SIK3: variants seen among roughly 807,000 people sequenced by gnomAD.
SIK3 encodes SIK family kinase 3.
In SIK3, 28 loss-of-function variants were observed where a neutral mutation model predicts 144.2. That is an observed-to-expected ratio of 0.19 (90% CI 0.14 to 0.27). The LOEUF (loss-of-function observed/expected upper bound fraction) is 0.27, where lower values mean the gene tolerates loss of function less well. Ranked by LOEUF, SIK3 falls within the 10% of genes least tolerant of loss-of-function variation. The pLI is 1.00. For missense variants in SIK3, 1,319 were observed against 1,776.0 expected, an observed-to-expected ratio of 0.74 and a Z score of 4.62; for synonymous variants, 686 against 676.3, an observed-to-expected ratio of 1.01 and a Z score of -0.22.
At chr11:116,947,568 TA>T (rs1272436324) in intron 3 of SIK3, among the ~76,000 whole-genome samples, 8,313 of 64,076 alleles carry the variant, frequency 0.13, 345 homozygotes, top group Non-Finnish European at 0.18. Context: ...TGTATGTATG[TA>T]TTTTTTTTTT....
At chr11:117,055,829 G>C (rs987321869) in intron 1 of SIK3, among the ~76,000 whole-genome samples, 2 of 152,204 alleles carry the variant, frequency 1.3e-5, no homozygotes, top group African/African-American at 4.8e-5. Flanking sequence ...TTGATGGAGG[G>C]AGTTACTCCC....
chr11:116,872,640 T>C (rs1010962732), intron 13 of SIK3, among the ~76,000 whole-genome samples: 2 of 152,254 alleles, frequency 1.3e-5, no homozygotes, highest in Admixed American at 1.3e-4. Context: ...GAGACACTTT[T>C]AGCAATTTAA....
chr11:116,852,133 T>C lies in SIK3; in HGVS notation c.3656-2850A>G, dbSNP rs61905159. On this transcript the variant is annotated intron_variant, in intron 21 of 24. Transcript: ENST00000445177. ...GAAACAGCAAAGCTAACAAAATGTA[T>C]ATAGTCCTGGTTGGAGCCTTCCTGC... 2.9e-3 allele frequency among the ~76,000 whole-genome samples: 441 copies of C among 152,334 alleles called. 2 individuals carry two copies. The highest frequency in any genetic ancestry group is 6.8e-3 in the Admixed American group (104 of 15,302).
intron 3 of SIK3, among the ~76,000 whole-genome samples, chr11:116,930,019 C>T (rs1453390365): frequency 6.6e-6 from 1 of 151,818 alleles, no homozygotes. Context: ...GTTATAGATA[C>T]AAAGAAGATA....
rs536895701 is a variant in SIK3 at position 117,005,050 on chromosome 11, T to C, written c.274-47986A>G. ...ATTAGAACTTAAAACCCCTATCTCC[T>C]AATCCAGTGTTTTTCCTACTATATC... On this transcript the variant is annotated intron_variant, in intron 1 of 24. Coordinates refer to ENST00000445177, the MANE Select transcript of SIK3 (RefSeq NM_001366686.3). Among the ~76,000 whole-genome samples the C allele has an allele frequency of 4.6e-5, 7 of 152,318 alleles. No individual in the cohort carries two copies. The East Asian group carries it at 1.4e-3, about 29-fold the overall frequency.
chr11:116,991,530 T>C (rs1330808092), intron 1 of SIK3, among the ~76,000 whole-genome samples: 3 of 152,184 alleles, frequency 2.0e-5, no homozygotes, highest in Non-Finnish European at 2.9e-5. Context: ...ATTTGAACAC[T>C]CTAATAACTA....
chr11:117,000,806 A>G (rs1203810948), intron 1 of SIK3, among the ~76,000 whole-genome samples: 2 of 152,236 alleles, frequency 1.3e-5, no homozygotes, highest in Admixed American at 1.3e-4. Context: ...CTGGAAGGGA[A>G]TAACTAGCCC....
chr11:117,012,191 C>A (rs772683567), intron 1 of SIK3, among the ~76,000 whole-genome samples: 8 of 152,078 alleles, frequency 5.3e-5, no homozygotes, highest in Non-Finnish European at 5.9e-5. Flanking sequence ...GCAGGCTGGT[C>A]TCGAATTCCC....
At chr11:116,845,859 T>C (rs1941897455) in intron 24 of SIK3, among the ~76,000 whole-genome samples, 1 of 152,208 alleles carries the variant, frequency 6.6e-6, no homozygotes, top group Non-Finnish European at 1.5e-5. Context: ...ACTCTTTGCA[T>C]TACTCCAGCC....
chr11:117,013,685 T>C (rs1056825303), intron 1 of SIK3, among the ~76,000 whole-genome samples: 15 of 151,946 alleles, frequency 9.9e-5, no homozygotes, highest in Non-Finnish European at 1.6e-4. Context: ...TAAAAATGTA[T>C]ACTTTTAGCT....
At chr11:116,861,948 GA>G in intron 17 of SIK3, 22 bp from the exon 18 acceptor site, 8 of 1,543,762 alleles carry the variant, frequency 5.2e-6, no homozygotes, top group African/African-American at 1.4e-5. Flanking sequence ...ATGGGGAAAG[GA>G]AAAAAATTAT....
intron 1 of SIK3, among the ~76,000 whole-genome samples, chr11:116,986,456 T>A (rs754776391): frequency 6.6e-6 from 1 of 152,236 alleles, no homozygotes; most frequent in Non-Finnish European, 1.5e-5. Flanking sequence ...TCCCATTTCC[T>A]GGTAATTGCA....
Position 116,947,569 on chromosome 11 carries a change from A to ATGTAT in SIK3, c.454+6474_454+6475insATACA, listed in dbSNP as rs374241141. ...TATGTATGTATGTATGTATGTATGT[A>ATGTAT]TTTTTTTTTTTTTTGAGACAGAGTC... On this transcript the variant is annotated intron_variant, in intron 3 of 24. Transcript: ENST00000445177. 5.1e-3 allele frequency among the ~76,000 whole-genome samples: 553 copies of ATGTAT among 109,426 alleles called. 6 individuals carry two copies. Among genetic ancestry groups the ATGTAT allele is most frequent in the African/African-American group, 0.017 (530 of 31,818 alleles). The allele number at this position is 109,426 out of a possible 152,430, so 71.8% of individuals were successfully genotyped here. A position where few individuals can be genotyped will look rare whatever the true frequency, so the allele number is the denominator to read the frequency against.
chr11:116,982,980 G>A (rs570296628), intron 1 of SIK3, among the ~76,000 whole-genome samples: 18 of 140,518 alleles, frequency 1.3e-4, no homozygotes, highest in Non-Finnish European at 1.7e-4. Flanking sequence ...TTTCTGACCC[G>A]AGGGGATTTC....
intron 1 of SIK3, among the ~76,000 whole-genome samples, chr11:116,993,854 T>C (rs1344874851): frequency 6.6e-6 from 1 of 152,182 alleles, no homozygotes; most frequent in Non-Finnish European, 1.5e-5. Flanking sequence ...AAAGGGAACT[T>C]ACAGCGTGAC....
rs80094358 is a variant in SIK3 at position 116,952,516 on chromosome 11, A to G, written c.454+1528T>C. ...TGCCTGGAATGTCAGACCATAGTAT[A>G]GTCTCCCAATAACATGACTGCTATT... On this transcript the variant is annotated intron_variant, in intron 3 of 24. Coordinates refer to ENST00000445177, the MANE Select transcript of SIK3 (RefSeq NM_001366686.3). 2.3e-4 allele frequency among the ~76,000 whole-genome samples: 35 copies of G among 152,342 alleles called. No individual in the cohort carries two copies. In the East Asian group the frequency reaches 6.6e-3, roughly 29 times the overall value.
intron 1 of SIK3, among the ~76,000 whole-genome samples, chr11:117,010,672 A>C (rs545202778): frequency 6.6e-5 from 10 of 151,634 alleles, no homozygotes; most frequent in African/African-American, 2.4e-4. Flanking sequence ...CTGGGGAGGA[A>C]GGTCAAAGTA....
intron 1 of SIK3, among the ~76,000 whole-genome samples, chr11:116,998,340 G>A (rs1335946619): frequency 6.6e-6 from 1 of 151,690 alleles, no homozygotes; most frequent in Non-Finnish European, 1.5e-5. Flanking sequence ...GCATGGTGGC[G>A]CACGCCTGTA....
chr11:116,913,307 T>A (rs1591306218), intron 4 of SIK3, among the ~76,000 whole-genome samples: 1 of 151,366 alleles, frequency 6.6e-6, no homozygotes, highest in East Asian at 1.9e-4. Flanking sequence ...AAAAAAAAAA[T>A]CAAGTAATCA....
Sources: allele counts gnomAD v4.1 joint callset (sites outside exome capture counted in the v4.1 genomes callset), GRCh38; gene constraint gnomAD v4.1.1; transcripts MANE v1.5; gene names NCBI Gene and HGNC (gene_info 2026-07-23, HGNC 2026-07-21).